MAP3K20: variants seen among roughly 807,000 people sequenced by gnomAD.
MAP3K20 encodes the protein HCCS-4.
A neutral mutation model predicts 85.7 loss-of-function variants in MAP3K20; 40 were observed. The ratio of observed to expected loss-of-function variants is 0.47; its 90% CI spans 0.36 to 0.61. The LOEUF (loss-of-function observed/expected upper bound fraction) is 0.61. MAP3K20 is among the 20% of genes least tolerant of loss of function. The pLI, the probability that MAP3K20 is intolerant of heterozygous loss-of-function variation, is 0.00. For missense variants in MAP3K20, 817 were observed against 961.7 expected, an observed-to-expected ratio of 0.85 and a Z score of 1.99; for synonymous variants, 325 against 327.7, an observed-to-expected ratio of 0.99 and a Z score of 0.09.
intron 11 of MAP3K20, chr2:173,221,440 G>C: frequency 6.2e-7 from 1 of 1,613,964 alleles, no homozygotes; most frequent in Non-Finnish European, 8.5e-7. Flanking sequence ...ACATGGCTCT[G>C]GGGTTCAGTG....
chr2:173,161,569 C>T (rs1290092478), intron 2 of MAP3K20, among the ~76,000 whole-genome samples: 3 of 152,102 alleles, frequency 2.0e-5, no homozygotes, highest in Non-Finnish European at 4.4e-5. Flanking sequence ...ACTTTTCTCA[C>T]TCATGTGGTA....
chr2:173,105,927 A>G (rs1203970329), intron 2 of MAP3K20, among the ~76,000 whole-genome samples: 1 of 152,214 alleles, frequency 6.6e-6, no homozygotes, highest in Non-Finnish European at 1.5e-5. Context: ...TATGTACTAT[A>G]ATTTTTAAAA....
intron 11 of MAP3K20, among the ~76,000 whole-genome samples, chr2:173,227,437 A>G (rs978196301): frequency 2.0e-5 from 3 of 152,172 alleles, no homozygotes; most frequent in Non-Finnish European, 4.4e-5. Flanking sequence ...GTGGCTGGAG[A>G]TCATTAACTC....
intron 2 of MAP3K20, among the ~76,000 whole-genome samples, chr2:173,096,152 C>T (rs147942576): frequency 3.3e-5 from 5 of 152,252 alleles, no homozygotes; most frequent in African/African-American, 1.2e-4. Flanking sequence ...TCCTTAAACA[C>T]TTCATCCTGT....
chr2:173,215,306 C>T (rs1158139389), intron 10 of MAP3K20, among the ~76,000 whole-genome samples: 2 of 152,140 alleles, frequency 1.3e-5, no homozygotes, highest in African/African-American at 2.4e-5. Flanking sequence ...GCCTTCTGAC[C>T]GCCTCACTGA....
chr2:173,191,742 C>G (rs1391781890), intron 7 of MAP3K20, among the ~76,000 whole-genome samples: 2 of 152,168 alleles, frequency 1.3e-5, no homozygotes, highest in Admixed American at 6.5e-5. Context: ...CTATCTGAAG[C>G]GTGACTCTAA....
intron 7 of MAP3K20, among the ~76,000 whole-genome samples, chr2:173,195,000 C>G (rs549049321): frequency 1.1e-4 from 16 of 152,154 alleles, no homozygotes; most frequent in African/African-American, 3.9e-4. Context: ...TGCTCTTAAG[C>G]TGGTAAACTT....
chr2:173,206,572 C>T (rs1159722778), intron 9 of MAP3K20, among the ~76,000 whole-genome samples: 3 of 152,126 alleles, frequency 2.0e-5, no homozygotes, highest in African/African-American at 4.8e-5. Flanking sequence ...TTACTTTCTC[C>T]TCTGAATACT....
chr2:173,187,009 A>C (rs1450432144), intron 4 of MAP3K20, among the ~76,000 whole-genome samples: 1 of 152,132 alleles, frequency 6.6e-6, no homozygotes, highest in Non-Finnish European at 1.5e-5. Flanking sequence ...ACCGTAACTA[A>C]TCAGTCCTCC....
intron 18 of MAP3K20, among the ~76,000 whole-genome samples, chr2:173,261,585 C>T (rs1685295943): frequency 6.6e-6 from 1 of 152,122 alleles, no homozygotes; most frequent in African/African-American, 2.4e-5. Context: ...AGTGTGCACC[C>T]ACCATCAAAG....
At chr2:173,177,015 A>G (rs1178517043) in intron 3 of MAP3K20, among the ~76,000 whole-genome samples, 1 of 152,246 alleles carries the variant, frequency 6.6e-6, no homozygotes, top group African/African-American at 2.4e-5. Flanking sequence ...TTGGAAATGT[A>G]TACACACCTA....
chr2:173,091,432 A>C (rs1687297070), intron 2 of MAP3K20, among the ~76,000 whole-genome samples: 1 of 152,166 alleles, frequency 6.6e-6, no homozygotes, highest in South Asian at 2.1e-4. Context: ...CAGGGCATGA[A>C]AGACCAAATG....
At chr2:173,176,933 G>A (rs956808316) in intron 3 of MAP3K20, among the ~76,000 whole-genome samples, 1 of 152,120 alleles carries the variant, frequency 6.6e-6, no homozygotes, top group Non-Finnish European at 1.5e-5. Context: ...GCAAAGATAA[G>A]AAATATTACT....
At chr2:173,110,218 TATATATATATATATATATATA>T (rs1251045360) in intron 2 of MAP3K20, among the ~76,000 whole-genome samples, 5 of 8,046 alleles carry the variant, frequency 6.2e-4, no homozygotes, top group Non-Finnish European at 1.5e-3. Context: ...TATATATATA[TATATATATATATATATATATA>T]TATTTTTTTT....
At chr2:173,208,639 CATTAT>C (rs199613772) in intron 9 of MAP3K20, among the ~76,000 whole-genome samples, 422 of 151,978 alleles carry the variant, frequency 2.8e-3, no homozygotes, top group African/African-American at 1.0e-2. Flanking sequence ...TGGCAGAACT[CATTAT>C]ATATCCTAGG....
At chr2:173,181,535 A>C (rs558327799) in intron 3 of MAP3K20, among the ~76,000 whole-genome samples, 1 of 152,328 alleles carries the variant, frequency 6.6e-6, no homozygotes, top group Non-Finnish European at 1.5e-5. Context: ...TCAGTCCCTG[A>C]AATCTACCCA....
At chr2:173,227,334 C>G (rs1684416579) in intron 11 of MAP3K20, among the ~76,000 whole-genome samples, 1 of 151,774 alleles carries the variant, frequency 6.6e-6, no homozygotes, top group Admixed American at 6.6e-5. Context: ...TTTTTATTCC[C>G]TAAAGAAAGA....
At position 173,219,941 on chromosome 2, in the gene MAP3K20, G is replaced by A. The variant is rs180973847; in HGVS notation, c.987+2691G>A. On this transcript the variant is annotated intron_variant, in intron 11 of 19. Transcript: ENST00000375213. ...AAATTAGCTGGGCGTGGTGGCGGGCGCCTGTAATCCCAGCTATTTGGGAGG... is the reference window on the plus strand; with the variant it reads ...AAATTAGCTGGGCGTGGTGGCGGGCACCTGTAATCCCAGCTATTTGGGAGG... 2.6e-4 allele frequency among the ~76,000 whole-genome samples: 39 copies of A among 151,944 alleles called. No homozygotes were observed. The South Asian group carries it at 4.4e-3, about 17-fold the overall frequency.
intron 2 of MAP3K20, among the ~76,000 whole-genome samples, chr2:173,142,744 A>T (rs973166013): frequency 6.6e-6 from 1 of 152,228 alleles, no homozygotes; most frequent in Non-Finnish European, 1.5e-5. Flanking sequence ...GGAACAAAAA[A>T]CAAATAGAAC....
Sources: gnomAD v4.1 joint callset for allele counts (sites outside exome capture counted in the v4.1 genomes callset) on GRCh38, gnomAD v4.1.1 for gene constraint, MANE v1.5 for transcripts, NCBI Gene and HGNC (gene_info 2026-07-23, HGNC 2026-07-21) for gene names.